PTPN11: variants seen among roughly 807,000 people sequenced by gnomAD.
PTPN11 encodes the protein protein tyrosine phosphatase non-receptor type 11, also known as tyrosine-protein phosphatase non-receptor type 11.
PTPN11 carries 6 observed loss-of-function variants against 78.8 expected under a neutral mutation model. The ratio of observed to expected loss-of-function variants is 0.08; its 90% CI spans 0.04 to 0.15. The LOEUF (loss-of-function observed/expected upper bound fraction) is 0.15, where lower values mean the gene tolerates loss of function less well. PTPN11 is among the 10% of genes least tolerant of loss of function. The probability of loss-of-function intolerance (pLI) is 1.00; values close to 1 mark genes in which losing one functional copy is unlikely to be tolerated. For synonymous variants in PTPN11, 221 were observed against 263.5 expected, an observed-to-expected ratio of 0.84 and a Z score of 1.56; for missense variants, 386 against 744.8, an observed-to-expected ratio of 0.52 and a Z score of 5.61.
At chr12:112,455,868 CAT>C (rs1481628747) in intron 5 of PTPN11, 80 bp from the exon 6 acceptor site, 2 of 821,020 alleles carry the variant, frequency 2.4e-6, no homozygotes, top group Non-Finnish European at 4.1e-6. Flanking sequence ...TCAACATAGA[CAT>C]GTTTTTTTTT....
chr12:112,505,669 A>C (rs1444816558), intron 15 of PTPN11, among the ~76,000 whole-genome samples, 156 bp from the exon 16 acceptor site: 4 of 151,710 alleles, frequency 2.6e-5, no homozygotes. Context: ...AAAAAAAAAA[A>C]AAAAAAAAAA....
chr12:112,489,156 G>A lies in PTPN11; in HGVS notation c.1580G>A (p.Arg527His), dbSNP rs770363146. Reference sequence around the variant, plus strand: ...CAGCATTATATTGAAACACTACAGCGCAGGATTGAAGAAGAGCAGGTACCA... The same window carrying A: ...CAGCATTATATTGAAACACTACAGCACAGGATTGAAGAAGAGCAGGTACCA... ...AVQHYIETLQ[R>H]RIEEEQKSKR... The change falls in exon 13 of 16, where the codon CGC (arginine) becomes CAC (histidine). Residue 527 changes from arginine (R) to histidine (H), a missense_variant. Physicochemically the swap from Arg to His is conservative, Grantham distance 29. Coordinates refer to ENST00000351677, the MANE Select transcript of PTPN11 (RefSeq NM_002834.5). The A allele has an allele frequency of 1.9e-6, 3 of 1,614,188 alleles. No individual in the cohort carries two copies. Among genetic ancestry groups the A allele is most frequent in the South Asian group, 1.1e-5 (1 of 91,082 alleles).
chr12:112,473,086 T>G, intron 7 of PTPN11, 46 bp downstream of exon 7: 1 of 1,455,444 alleles, frequency 6.9e-7, no homozygotes. Flanking sequence ...TTGGAGATTT[T>G]GATTCCTAGC....
Position 112,492,975 on chromosome 12 carries a change from A to G in PTPN11, c.1599+3800A>G, listed in dbSNP as rs530896732. Among the ~76,000 whole-genome samples, 3 of 152,330 alleles carry G rather than the reference A, an allele frequency of 2.0e-5. No homozygotes were observed. In the East Asian group the frequency reaches 5.8e-4, roughly 29 times the overall value. On this transcript the variant is annotated intron_variant, in intron 13 of 15. Coordinates refer to ENST00000351677, the MANE Select transcript of PTPN11 (RefSeq NM_002834.5). Reference sequence around the variant, plus strand: ...AGTGACAAAGAAAAACTGTATATAAAGTGTACACCATGATATTTTGATATA... The same window carrying G: ...AGTGACAAAGAAAAACTGTATATAAGGTGTACACCATGATATTTTGATATA...
intron 1 of PTPN11, among the ~76,000 whole-genome samples, chr12:112,428,519 C>T (rs1454603940): frequency 6.9e-6 from 1 of 145,922 alleles, no homozygotes; most frequent in Non-Finnish European, 1.5e-5. Flanking sequence ...TTACTAAGTT[C>T]TCAGGGTCGA....
chr12:112,495,702 A>G (rs553914683), intron 13 of PTPN11, among the ~76,000 whole-genome samples: 2 of 152,338 alleles, frequency 1.3e-5, no homozygotes, highest in South Asian at 2.1e-4. Context: ...CTAAACTACT[A>G]AACATCACAG....
rs2038531520 is a variant in PTPN11 at position 112,477,878 on chromosome 12, A to G, written c.955A>G (p.Asn319Asp). Residue 319 changes from asparagine (N) to aspartate (D), a missense_variant, in exon 9 of 16, where the codon AAC becomes GAC. Transcript: ENST00000351677. ...CTAGCCTGAATTTGAAACCAAGTGC[A>G]ACAATTCAAAGCCCAAAAAGAGTTA... ...IIMPEFETKC[N>D]NSKPKKSYIA... The G allele has an allele frequency of 1.2e-6, 2 of 1,614,182 alleles. No individual in the cohort carries two copies. The highest frequency in any genetic ancestry group is 1.7e-6 in the Non-Finnish European group (2 of 1,180,014).
intron 1 of PTPN11, among the ~76,000 whole-genome samples, chr12:112,424,297 A>C (rs1469254211): frequency 6.6e-6 from 1 of 152,142 alleles, no homozygotes; most frequent in African/African-American, 2.4e-5. Context: ...GAGGCTGGGA[A>C]GGTGGGAGGT....
Position 112,454,656 on chromosome 12 carries a change from G to C in PTPN11, c.618G>C (p.Leu206Phe). 1 of 1,612,840 alleles carries C rather than the reference G, an allele frequency of 6.2e-7. No individual in the cohort carries two copies. The highest frequency in any genetic ancestry group is 1.1e-5 in the South Asian group (1 of 91,040). Reference sequence around the variant, plus strand: ...AGAAGAATCCTATGGTGGAAACATTGGGTACAGTACTACAACTCAAGCAGG... The same window carrying C: ...AGAAGAATCCTATGGTGGAAACATTCGGTACAGTACTACAACTCAAGCAGG... Reference protein sequence around the residue: ...HYKKNPMVETLGTVLQLKQPL... With the variant: ...HYKKNPMVETFGTVLQLKQPL... The change falls in exon 5 of 16, where the codon TTG (leucine) becomes TTC (phenylalanine). Residue 206 changes from leucine to phenylalanine, a missense_variant. Coordinates refer to ENST00000351677, the MANE Select transcript of PTPN11 (RefSeq NM_002834.5).
intron 6 of PTPN11, among the ~76,000 whole-genome samples, chr12:112,462,546 T>C (rs2038264753): frequency 6.6e-6 from 1 of 152,196 alleles, no homozygotes; most frequent in African/African-American, 2.4e-5. Context: ...ACAAAGTGTA[T>C]TCAAAGAAGT....
intron 1 of PTPN11, 55 bp downstream of exon 1, chr12:112,419,180 G>A: frequency 6.9e-7 from 1 of 1,439,724 alleles, no homozygotes; most frequent in African/African-American, 1.5e-5. Flanking sequence ...CGCCGCGTTC[G>A]GTTAGCCCCG....
chr12:112,470,648 G>GC (rs1262293658), intron 6 of PTPN11, among the ~76,000 whole-genome samples: 7 of 151,684 alleles, frequency 4.6e-5, no homozygotes, highest in South Asian at 4.2e-4. Context: ...CCCTGCCACC[G>GC]CCCCCCCACC....
chr12:112,447,834 T>C (rs575655338), intron 2 of PTPN11, among the ~76,000 whole-genome samples: 1 of 141,054 alleles, frequency 7.1e-6, no homozygotes, highest in Non-Finnish European at 1.5e-5. Flanking sequence ...AAAGTCTTGC[T>C]CTTTTTCCCA....
chr12:112,466,385 G>A (rs570163089), intron 6 of PTPN11, among the ~76,000 whole-genome samples: 58 of 152,314 alleles, frequency 3.8e-4, no homozygotes, highest in African/African-American at 1.4e-3. Flanking sequence ...CAATTGGAAT[G>A]GATGGGAAAT....
rs1375289563 is a variant in PTPN11, at chr12:112,508,576, A to G, written c.*2784A>G. On this transcript the variant is annotated 3_prime_UTR_variant, in exon 16 of 16. Transcript: ENST00000351677. ...CTTCTAGGTTGCTGGTGGGTATTAA[A>G]TATGCACAATATTCCATAGCTCACT... 2.6e-5 allele frequency: 4 copies of G among 152,246 alleles called. No individual in the cohort carries two copies. The allele number at this position is 152,246 out of a possible 1,614,324, so 9.4% of individuals were successfully genotyped here. A position where few individuals can be genotyped will look rare whatever the true frequency, so the allele number is the denominator to read the frequency against.
At chr12:112,451,144 G>A (rs2038074034) in intron 3 of PTPN11, among the ~76,000 whole-genome samples, 1 of 152,118 alleles carries the variant, frequency 6.6e-6, no homozygotes, top group South Asian at 2.1e-4. Context: ...TCTCTGACTT[G>A]GTGCAAATTC....
At chr12:112,470,613 A>G (rs1297966404) in intron 6 of PTPN11, among the ~76,000 whole-genome samples, 2 of 152,174 alleles carry the variant, frequency 1.3e-5, no homozygotes, top group African/African-American at 4.8e-5. Context: ...TTCACCTTGC[A>G]TAGTGATTGC....
chr12:112,464,520 C>G (rs11066318), intron 6 of PTPN11, among the ~76,000 whole-genome samples: 2 of 151,546 alleles, frequency 1.3e-5, no homozygotes, highest in East Asian at 3.9e-4. Flanking sequence ...CAACCTCCAC[C>G]TCCCGGGTTC....
At chr12:112,499,239 GT>G (rs1201330797) in intron 13 of PTPN11, among the ~76,000 whole-genome samples, 2 of 151,940 alleles carry the variant, frequency 1.3e-5, no homozygotes, top group African/African-American at 4.8e-5. Flanking sequence ...TAAAAAAGCA[GT>G]TTTACTCCTC....
Sources: gnomAD v4.1 joint callset for allele counts (sites outside exome capture counted in the v4.1 genomes callset) on GRCh38, gnomAD v4.1.1 for gene constraint, MANE v1.5 for transcripts, NCBI Gene and HGNC (gene_info 2026-07-23, HGNC 2026-07-21) for gene names.